PMFBP1: variants seen among roughly 807,000 people sequenced by gnomAD.
The protein encoded by PMFBP1 is polyamine-modulated factor 1-binding protein 1.
A neutral mutation model predicts 137.8 loss-of-function variants in PMFBP1; 131 were observed. The ratio of observed to expected loss-of-function variants is 0.95; its 90% CI spans 0.82 to 1.10. PMFBP1 has a LOEUF of 1.10. Ranked by LOEUF, PMFBP1 falls within the 50% of genes least tolerant of loss-of-function variation. PMFBP1 has a pLI of 0.00. For missense variants in PMFBP1, 1,199 were observed against 1,175.4 expected (o/e 1.02, Z -0.29); for synonymous variants, 490 against 450.4 (o/e 1.09, Z -1.11).
At chr16:72,234,964 T>C in the PMFBP1 span, among the ~76,000 whole-genome samples, 2 of 152,208 alleles carry the variant, frequency 1.3e-5, no homozygotes, top group Admixed American at 6.5e-5. Context: ...GATAGATTAT[T>C]TGCAAATATT....
chr16:72,206,586 T>C, the PMFBP1 span, among the ~76,000 whole-genome samples: 2 of 152,238 alleles, frequency 1.3e-5, no homozygotes, highest in African/African-American at 4.8e-5. Context: ...GTTATTTCCA[T>C]ATTGCAGATG....
upstream of PMFBP1, among the ~76,000 whole-genome samples, chr16:72,181,263 T>TAATTA (rs200083565): frequency 1.3e-5 from 2 of 151,150 alleles, no homozygotes; most frequent in East Asian, 3.9e-4. Flanking sequence ...ATAATAATAA[T>TAATTA]AATTAAATTA....
At position 72,140,512 on chromosome 16, in the gene PMFBP1, T is replaced by G; in HGVS notation, c.707A>C (p.Gln236Pro). Reference protein sequence around the residue: ...YTSPCMIQEHQETQKRLSEVW... With the variant: ...YTSPCMIQEHPETQKRLSEVW... ...TTCAGACAGTCGTTTCTGAGTCTCCTGATGCTCTTGAATCATGCAAGGAGA... is the reference window on the plus strand; with the variant it reads ...TTCAGACAGTCGTTTCTGAGTCTCCGGATGCTCTTGAATCATGCAAGGAGA... Residue 236 changes from glutamine to proline, a missense_variant, in exon 6 of 21, where the codon CAG (glutamine) becomes CCG (proline). Coordinates refer to ENST00000237353, the MANE Select transcript of PMFBP1 (RefSeq NM_031293.3). 6.2e-7 allele frequency: 1 copy of G among 1,613,100 alleles called. No homozygotes were observed. Among genetic ancestry groups the G allele is most frequent in the Non-Finnish European group, 8.5e-7 (1 of 1,179,040 alleles).
chr16:72,170,275 G>A (rs529581228), intron 2 of PMFBP1, among the ~76,000 whole-genome samples: 1 of 151,486 alleles, frequency 6.6e-6, no homozygotes, highest in African/African-American at 2.4e-5. Context: ...CTCCAGTAAT[G>A]CAGCAGGAAA....
intron 20 of PMFBP1, chr16:72,119,570 G>C (rs1265237047): frequency 6.9e-7 from 1 of 1,448,364 alleles, no homozygotes; most frequent in Non-Finnish European, 9.0e-7. Context: ...GTAGAAGGAA[G>C]ATGCCTCTTC....
the PMFBP1 span, among the ~76,000 whole-genome samples, chr16:72,212,202 G>A: frequency 3.3e-5 from 5 of 151,844 alleles, no homozygotes; most frequent in Admixed American, 6.6e-5. Context: ...TTATTAGAAG[G>A]TCCAGCTCAA....
At chr16:72,234,007 T>A in the PMFBP1 span, among the ~76,000 whole-genome samples, 1 of 152,192 alleles carries the variant, frequency 6.6e-6, no homozygotes, top group African/African-American at 2.4e-5. Context: ...CTTTTTCCAC[T>A]TTTGGCTACT....
Position 72,150,597 on chromosome 16 carries a change from T to C in PMFBP1, c.636+11A>G, listed in dbSNP as rs935742745. 6.2e-7 allele frequency: 1 copy of C among 1,611,738 alleles called. No individual in the cohort carries two copies. The highest frequency in any genetic ancestry group is 1.3e-5 in the African/African-American group (1 of 74,864). Reference sequence around the variant, plus strand: ...ACTTGCCTGGATTGAATGGCCTGACTTAAGTCCTACCTGACCCATGATCCC... The same window carrying C: ...ACTTGCCTGGATTGAATGGCCTGACCTAAGTCCTACCTGACCCATGATCCC... On this transcript the variant is annotated intron_variant, in intron 5 of 20. Transcript: ENST00000237353.
At chr16:72,186,803 T>C in the PMFBP1 span, among the ~76,000 whole-genome samples, 74 of 152,290 alleles carry the variant, frequency 4.9e-4, no homozygotes, top group African/African-American at 1.7e-3. Context: ...TAGAAGTTTA[T>C]TAAGCAGCAA....
intron 3 of PMFBP1, among the ~76,000 whole-genome samples, chr16:72,156,562 T>A (rs1235296776): frequency 6.6e-6 from 1 of 151,342 alleles, no homozygotes; most frequent in Non-Finnish European, 1.5e-5. Flanking sequence ...AGAGCTTGCA[T>A]TGAGCTGAGA....
rs1250928829 is a variant in PMFBP1 at position 72,130,005 on chromosome 16, C to A, written c.1782+208G>T. 3.3e-5 allele frequency among the ~76,000 whole-genome samples: 5 copies of A among 151,294 alleles called. No homozygotes were observed. The East Asian group carries it at 9.7e-4, about 29-fold the overall frequency. ...GGGACTACAGGAATGTGCCATTATG[C>A]CCTGATAATGTTTGTATTTTTTTTT... is the stretch of plus-strand genomic sequence containing the variant. On this transcript the variant is annotated intron_variant, in intron 12 of 20. Coordinates refer to ENST00000237353, the MANE Select transcript of PMFBP1 (RefSeq NM_031293.3).
chr16:72,132,741 G>A lies in PMFBP1; in HGVS notation c.1447+7C>T. 6.2e-7 allele frequency: 1 copy of A among 1,614,126 alleles called. No homozygotes were observed. The highest frequency in any genetic ancestry group is 1.3e-5 in the African/African-American group (1 of 75,024). On this transcript the variant is annotated splice_region_variant and intron_variant, in intron 10 of 20. Coordinates refer to ENST00000237353, the MANE Select transcript of PMFBP1 (RefSeq NM_031293.3). ...GTGTGGTGGGACAGCACCTGCAGGGGCCTCACCAGCCAGCCTCTCCTGCTG... is the reference window on the plus strand; with the variant it reads ...GTGTGGTGGGACAGCACCTGCAGGGACCTCACCAGCCAGCCTCTCCTGCTG...
At chr16:72,185,981 T>TTAGA in the PMFBP1 span, among the ~76,000 whole-genome samples, 1 of 152,166 alleles carries the variant, frequency 6.6e-6, no homozygotes, top group South Asian at 2.1e-4. Flanking sequence ...TGTAACTATC[T>TTAGA]TAGATAGCAA....
the PMFBP1 span, among the ~76,000 whole-genome samples, chr16:72,191,567 TG>T: frequency 6.6e-6 from 1 of 152,264 alleles, no homozygotes; most frequent in African/African-American, 2.4e-5. Context: ...CTATTTTCTC[TG>T]AACAGTTTAC....
At chr16:72,232,736 G>T in the PMFBP1 span, among the ~76,000 whole-genome samples, 1 of 152,138 alleles carries the variant, frequency 6.6e-6, no homozygotes, top group African/African-American at 2.4e-5. Context: ...GACATGAAGA[G>T]GTTGGAGGAG....
chr16:72,225,460 C>T, the PMFBP1 span, among the ~76,000 whole-genome samples: 1 of 151,888 alleles, frequency 6.6e-6, no homozygotes, highest in African/African-American at 2.4e-5. Context: ...GAGGCCAAGG[C>T]GGGAGGATCA....
At chr16:72,134,739 A>G (rs1431857389) in intron 9 of PMFBP1, among the ~76,000 whole-genome samples, 2 of 152,028 alleles carry the variant, frequency 1.3e-5, no homozygotes, top group African/African-American at 4.8e-5. Flanking sequence ...CTTCCTCCAG[A>G]CCTCTGCCTG....
the PMFBP1 span, among the ~76,000 whole-genome samples, chr16:72,203,637 CTAATTA>C: frequency 1.3e-5 from 2 of 152,100 alleles, no homozygotes; most frequent in South Asian, 2.1e-4. Context: ...TGGCCACTTT[CTAATTA>C]TATCACTTCC....
chr16:72,201,117 A>C, the PMFBP1 span, among the ~76,000 whole-genome samples: 1 of 152,190 alleles, frequency 6.6e-6, no homozygotes, highest in Admixed American at 6.5e-5. Flanking sequence ...CAGATGCATA[A>C]TGTGTGACCA....
Sources: gnomAD v4.1 joint callset for allele counts (sites outside exome capture counted in the v4.1 genomes callset) on GRCh38, gnomAD v4.1.1 for gene constraint, MANE v1.5 for transcripts, NCBI Gene and HGNC (gene_info 2026-07-23, HGNC 2026-07-21) for gene names.